The following SEC16A variants were observed in gnomAD, a reference collection of about 807,000 sequenced individuals.
SEC16A encodes the protein SEC16 homolog A, endoplasmic reticulum export factor.
A neutral mutation model predicts 221.9 loss-of-function variants in SEC16A; 110 were observed. The ratio of observed to expected loss-of-function variants is 0.50; its 90% CI spans 0.42 to 0.58. The LOEUF (loss-of-function observed/expected upper bound fraction) is 0.58. Among genes scored for constraint, SEC16A ranks in the 20% least tolerant of loss-of-function variants. The pLI, the probability that SEC16A is intolerant of heterozygous loss-of-function variation, is 0.00. For synonymous variants in SEC16A, 1,393 were observed against 1,257.7 expected (o/e 1.11, Z -2.28); for missense variants, 3,165 against 3,097.8 (o/e 1.02, Z -0.52).
intron 31 of SEC16A, among the ~76,000 whole-genome samples, 164 bp downstream of exon 31, chr9:136,443,659 G>A (rs887556995): frequency 6.6e-6 from 1 of 152,236 alleles, no homozygotes; most frequent in Non-Finnish European, 1.5e-5. Context: ...CTGCACTCCA[G>A]CCTGGGCAAC....
At chr9:136,469,949 C>G (rs1474261135) in intron 4 of SEC16A, among the ~76,000 whole-genome samples, 2 of 152,246 alleles carry the variant, frequency 1.3e-5, no homozygotes, top group African/African-American at 2.4e-5. Flanking sequence ...AATTATCTGA[C>G]TTGGGGTTTC....
chr9:136,448,499 A>T (rs1444398765), intron 23 of SEC16A: 1 of 712,696 alleles, frequency 1.4e-6, no homozygotes, highest in South Asian at 1.5e-5. Flanking sequence ...TGGGGGGCAG[A>T]TCCACAGAGA....
In SEC16A at chr9:136,443,765, GGGTCA is replaced by G; in HGVS notation, c.7005+53_7005+57del. On this transcript the variant is annotated intron_variant, in intron 31 of 31. Coordinates refer to ENST00000684901, the MANE Select transcript of SEC16A (RefSeq NM_014866.2). ...AGAAAGCTGCCATCACTGAGCAGCAGGGTCAGGTCGTCAGTGGGCGTGTTAGGGTC... is the reference window on the plus strand; with the variant it reads ...AGAAAGCTGCCATCACTGAGCAGCAGGGTCGTCAGTGGGCGTGTTAGGGTC... The G allele has an allele frequency of 3.2e-6, 4 of 1,260,612 alleles. No individual in the cohort carries two copies. The East Asian group carries it at 9.4e-5, about 30-fold the overall frequency. The allele number at this position is 1,260,612 out of a possible 1,614,324, so 78.1% of individuals were successfully genotyped here.
At chr9:136,470,636 C>T (rs1422862427) in intron 4 of SEC16A, among the ~76,000 whole-genome samples, 1 of 152,342 alleles carries the variant, frequency 6.6e-6, no homozygotes, top group East Asian at 1.9e-4. Context: ...CTTCACAAAG[C>T]ACCTCCAACA....
At chr9:136,470,973 T>G (rs1322086389) in intron 4 of SEC16A, among the ~76,000 whole-genome samples, 8 of 152,070 alleles carry the variant, frequency 5.3e-5, no homozygotes, top group Non-Finnish European at 1.5e-5. Flanking sequence ...CGCCCACCCC[T>G]CGCAGGGCTC....
intron 3 of SEC16A, 81 bp downstream of exon 3, chr9:136,473,968 C>G: frequency 1.4e-6 from 2 of 1,443,218 alleles, no homozygotes; most frequent in Non-Finnish European, 1.9e-6. Flanking sequence ...ACAAACACTA[C>G]TAAGGAATAC....
chr9:136,459,637 C>G lies in SEC16A; in HGVS notation c.5192-82G>C. The G allele has an allele frequency of 3.0e-6, 4 of 1,352,482 alleles. No individual in the cohort carries two copies. The highest frequency in any genetic ancestry group is 4.1e-6 in the Non-Finnish European group (4 of 971,832). 83.8% of individuals were successfully genotyped at this position (1,352,482 alleles called of 1,614,324 possible). A position where few individuals can be genotyped will look rare whatever the true frequency, so the allele number is the denominator to read the frequency against. On this transcript the variant is annotated intron_variant, in intron 15 of 31. Coordinates refer to ENST00000684901, the MANE Select transcript of SEC16A (RefSeq NM_014866.2). This position sits in a 1 kb window ranked among gnomAD's most constrained non-coding sequence, Gnocchi z 6.1. ...AAGTCAAGGACGCGCACAGAAGGCACCAGAGACGCCAGCCGGACCGAGAAG... is the reference window on the plus strand; with the variant it reads ...AAGTCAAGGACGCGCACAGAAGGCAGCAGAGACGCCAGCCGGACCGAGAAG...
upstream of SEC16A, chr9:136,483,675 A>G (rs1842699840): frequency 1.0e-6 from 1 of 985,354 alleles, no homozygotes; most frequent in African/African-American, 1.7e-5. Flanking sequence ...AGTCTGCAGG[A>G]CCGATGCCAG....
At chr9:136,451,118 G>A (rs1158736266) in intron 23 of SEC16A, 138 bp downstream of exon 23, 3 of 854,108 alleles carry the variant, frequency 3.5e-6, no homozygotes, top group Admixed American at 2.5e-5. Flanking sequence ...ATCATGCCGT[G>A]TGCACTGTAG....
intron 3 of SEC16A, among the ~76,000 whole-genome samples, 169 bp from the exon 4 acceptor site, chr9:136,472,280 C>A (rs535079591): frequency 9.8e-5 from 15 of 152,360 alleles, no homozygotes; most frequent in African/African-American, 3.4e-4. Flanking sequence ...TGGCTGCTCT[C>A]CAGCAGGACT....
chr9:136,444,370 C>A (rs1412289549), intron 30 of SEC16A, among the ~76,000 whole-genome samples: 1 of 152,214 alleles, frequency 6.6e-6, no homozygotes, highest in Non-Finnish European at 1.5e-5. Flanking sequence ...ACTGCTGCAC[C>A]CGCCCCGGCC....
At chr9:136,474,020 G>A (rs369487162) in intron 3 of SEC16A, 29 bp downstream of exon 3, 3 of 1,562,622 alleles carry the variant, frequency 1.9e-6, no homozygotes, top group Non-Finnish European at 2.6e-6. Context: ...AGACAGAAAA[G>A]TGGGTTACAC....
At chr9:136,450,490 AAC>A (rs200330873) in intron 23 of SEC16A, among the ~76,000 whole-genome samples, 16 of 151,894 alleles carry the variant, frequency 1.1e-4, no homozygotes, top group East Asian at 9.7e-4. Context: ...GGAAAAAAAA[AAC>A]AACGGATAGA....
Position 136,459,365 on chromosome 9 carries a change from T to C in SEC16A, c.5303+79A>G. On this transcript the variant is annotated intron_variant, in intron 16 of 31. Transcript: ENST00000684901. This position sits in a 1 kb window ranked among gnomAD's most constrained non-coding sequence, Gnocchi z 6.1. The stretch of plus-strand genomic sequence containing the variant: ...AAATAAAGACATGATTCTGGCCATT[T>C]CTGAATTCACTAAAGGAGAAGGATT... 1.4e-6 allele frequency: 2 copies of C among 1,411,638 alleles called. No homozygotes were observed. Among genetic ancestry groups the C allele is most frequent in the Non-Finnish European group, 2.0e-6 (2 of 1,018,026 alleles). The allele number at this position is 1,411,638 out of a possible 1,614,324, so 87.4% of individuals were successfully genotyped here.
chr9:136,462,881 G>A lies in SEC16A; in HGVS notation c.4893+6C>T, dbSNP rs753799305. On this transcript the variant is annotated splice_donor_region_variant and intron_variant, in intron 12 of 31. Transcript: ENST00000684901. ...AGGCGCCAGGTGCCATGATGAGGAGGCGCACCTTCTTACGGCCATACAGCA... is the reference window on the plus strand; with the variant it reads ...AGGCGCCAGGTGCCATGATGAGGAGACGCACCTTCTTACGGCCATACAGCA... The A allele has an allele frequency of 3.1e-6, 5 of 1,599,012 alleles. No individual in the cohort carries two copies. The highest frequency in any genetic ancestry group is 2.2e-5 in the East Asian group (1 of 44,852).
In SEC16A at chr9:136,466,452, G is replaced by C. The variant is rs370445138; in HGVS notation, c.3940C>G (p.Arg1314Gly). The change falls in exon 7 of 32, where the codon CGT (arginine) becomes GGT (glycine). Residue 1314 changes from arginine (R) to glycine (G), a missense_variant. By Grantham distance (125) the Arg-to-Gly change is moderately radical. Coordinates refer to ENST00000684901, the MANE Select transcript of SEC16A (RefSeq NM_014866.2). This position sits in a 1 kb window ranked among gnomAD's most constrained non-coding sequence, Gnocchi z 5.5. The part of the protein sequence containing the change: ...HSAFGDRPEK[R>G]DNNWRYDPRF... ...GGATCGTACCTCCAGTTGTTGTCAC[G>C]TTTCTCGGGCCTAGAGGAAGCCGGG... The C allele has an allele frequency of 6.2e-6, 10 of 1,604,786 alleles. No individual in the cohort carries two copies. The highest frequency in any genetic ancestry group is 1.6e-4 in the Middle Eastern group (1 of 6,064).
intron 13 of SEC16A, among the ~76,000 whole-genome samples, chr9:136,460,547 T>C (rs544292859): frequency 1.3e-5 from 2 of 151,902 alleles, no homozygotes; most frequent in Admixed American, 1.3e-4. Flanking sequence ...ATATTTCACT[T>C]AGGCAAAGTA....
In SEC16A at chr9:136,445,671, T is replaced by C; in HGVS notation, c.6841A>G (p.Arg2281Gly). ...TCTCCTCCCTGGGAACCCTCAGGCC[T>C]GGAGGAGGGGAGTTCAGAGCCAGGG... ...SLPGSELPSSRPEGSQGGELS... is the reference protein window; with the variant it reads ...SLPGSELPSSGPEGSQGGELS... The change falls in exon 29 of 32, where the codon AGG (arginine) becomes GGG (glycine). Residue 2281 changes from arginine (R) to glycine (G), a missense_variant. Physicochemically the swap from Arg to Gly is moderately radical, Grantham distance 125. Coordinates refer to ENST00000684901, the MANE Select transcript of SEC16A (RefSeq NM_014866.2). The C allele has an allele frequency of 1.3e-6, 2 of 1,551,306 alleles. No individual in the cohort carries two copies. Among genetic ancestry groups the C allele is most frequent in the Non-Finnish European group, 1.7e-6 (2 of 1,147,680 alleles).
At chr9:136,445,581 G>A (rs562838588) in intron 29 of SEC16A, 64 bp downstream of exon 29, 45 of 1,245,860 alleles carry the variant, frequency 3.6e-5, no homozygotes, top group African/African-American at 7.5e-5. Context: ...AGGAAGAGGC[G>A]CCTGGACAGT....
Sources: allele counts gnomAD v4.1 joint callset (sites outside exome capture counted in the v4.1 genomes callset), GRCh38; gene constraint gnomAD v4.1.1; non-coding constraint Gnocchi (gnomAD v3.1); transcripts MANE v1.5; gene names NCBI Gene and HGNC (gene_info 2026-07-23, HGNC 2026-07-21).